The following CALD1 variants were observed in gnomAD, a reference collection of about 807,000 sequenced individuals.
CALD1 encodes caldesmon.
In CALD1, 33 loss-of-function variants were observed where a neutral mutation model predicts 99.9. The observed-to-expected ratio is 0.33, with a 90% CI of 0.25 to 0.44. The LOEUF is 0.44. Ranked by LOEUF, CALD1 falls within the 20% of genes least tolerant of loss-of-function variation. The pLI, the probability that CALD1 is intolerant of heterozygous loss-of-function variation, is 1.00. For synonymous variants in CALD1, 310 were observed against 325.0 expected, an observed-to-expected ratio of 0.95 and a Z score of 0.50; for missense variants, 861 against 962.1, an observed-to-expected ratio of 0.89 and a Z score of 1.39.
At chr7:134,947,908 A>G (rs1807028933) in intron 8 of CALD1, 139 bp downstream of exon 8, 5 of 1,024,972 alleles carry the variant, frequency 4.9e-6, no homozygotes, top group African/African-American at 4.9e-5. Flanking sequence ...CTGTTTTATA[A>G]CTTGTAGATG....
At chr7:134,762,165 G>C (rs772188866) in intron 1 of CALD1, among the ~76,000 whole-genome samples, 1 of 152,222 alleles carries the variant, frequency 6.6e-6, no homozygotes, top group Admixed American at 6.5e-5. Context: ...GAGGAAGAAG[G>C]CTGGTCCAAA....
intron 1 of CALD1, among the ~76,000 whole-genome samples, chr7:134,785,700 G>A (rs1277094998): frequency 6.6e-6 from 1 of 152,114 alleles, no homozygotes. Context: ...TGCATTCTAG[G>A]GTTAGCATCA....
At chr7:134,944,860 C>A (rs1432796931) in intron 7 of CALD1, among the ~76,000 whole-genome samples, 1 of 152,160 alleles carries the variant, frequency 6.6e-6, no homozygotes, top group Non-Finnish European at 1.5e-5. Flanking sequence ...CCAGGCAAAT[C>A]CAACTTAGGT....
At position 134,937,610 on chromosome 7, in the gene CALD1, C is replaced by T. The variant is rs145725982; in HGVS notation, c.1386+1845C>T. ...ATGATTCAGCCATTTTAAACAACCT[C>T]TTCCTATTTTTTTTTCCTTTTTGTA... On this transcript the variant is annotated intron_variant, in intron 6 of 14. Transcript: ENST00000361675. Among the ~76,000 whole-genome samples, 436 of 146,688 alleles carry T rather than the reference C, an allele frequency of 3.0e-3. 2 individuals carry two copies. The highest frequency in any genetic ancestry group is 0.011 in the African/African-American group (416 of 39,208).
At chr7:134,853,752 C>A (rs1360960876) in intron 2 of CALD1, among the ~76,000 whole-genome samples, 2 of 152,034 alleles carry the variant, frequency 1.3e-5, no homozygotes, top group African/African-American at 4.8e-5. Flanking sequence ...GGTACATGTG[C>A]AGAACGTGCA....
chr7:134,721,601 G>T, the CALD1 span, among the ~76,000 whole-genome samples: 2 of 151,978 alleles, frequency 1.3e-5, no homozygotes, highest in Non-Finnish European at 2.9e-5. Flanking sequence ...AGGGGAGGTG[G>T]GGGGGTGAAG....
At chr7:134,877,195 G>A (rs1801392104) in intron 3 of CALD1, among the ~76,000 whole-genome samples, 1 of 152,108 alleles carries the variant, frequency 6.6e-6, no homozygotes, top group African/African-American at 2.4e-5. Flanking sequence ...CCCTCTCTGG[G>A]GTCACCTCAG....
At chr7:134,740,761 G>C (rs914702922), upstream of CALD1, among the ~76,000 whole-genome samples, 31 of 152,118 alleles carry the variant, frequency 2.0e-4, no homozygotes, top group Admixed American at 1.9e-3. Flanking sequence ...AACCTTTTTC[G>C]TGCTGCACTA....
chr7:134,937,615 T>C (rs1326998416), intron 6 of CALD1, among the ~76,000 whole-genome samples: 1 of 150,116 alleles, frequency 6.7e-6, no homozygotes, highest in Non-Finnish European at 1.5e-5. Context: ...AACCTCTTCC[T>C]ATTTTTTTTT....
intron 1 of CALD1, among the ~76,000 whole-genome samples, chr7:134,830,766 A>G (rs903821797): frequency 2.0e-5 from 3 of 152,170 alleles, no homozygotes; most frequent in Admixed American, 6.5e-5. Flanking sequence ...TAAAGGCAAT[A>G]TATTTTTTTT....
At chr7:134,927,482 G>A (rs1190103157) in intron 3 of CALD1, among the ~76,000 whole-genome samples, 2 of 138,770 alleles carry the variant, frequency 1.4e-5, no homozygotes. Context: ...AGCCTGGGAG[G>A]TCAAGGCTGC....
intron 3 of CALD1, among the ~76,000 whole-genome samples, chr7:134,923,254 C>G (rs899597601): frequency 6.6e-6 from 1 of 152,210 alleles, no homozygotes; most frequent in Non-Finnish European, 1.5e-5. Flanking sequence ...AAACCCTCTT[C>G]CAACCAGCAT....
chr7:134,890,272 G>C (rs1252304037), intron 3 of CALD1, among the ~76,000 whole-genome samples: 1 of 152,216 alleles, frequency 6.6e-6, no homozygotes. Flanking sequence ...TCTAGCTAAA[G>C]TGGAGACCAC....
At chr7:134,949,869 C>T (rs1212851612) in intron 8 of CALD1, among the ~76,000 whole-genome samples, 2 of 148,440 alleles carry the variant, frequency 1.3e-5, no homozygotes, top group South Asian at 2.1e-4. Context: ...CCTTGGGCCA[C>T]ACATAAAATA....
chr7:134,933,366 G>T lies in CALD1; in HGVS notation c.597G>T (p.Lys199Asn). 6.2e-7 allele frequency: 1 copy of T among 1,607,976 alleles called. No homozygotes were observed. Reference sequence around the variant, plus strand: ...AGGAGGAGGAAGAGGAGAAGCCAAAGCGAGGGAGCATTGGAGAAAATCAGG... The same window carrying T: ...AGGAGGAGGAAGAGGAGAAGCCAAATCGAGGGAGCATTGGAGAAAATCAGG... ...EKEEEEEEKPKRGSIGENQVE... is the reference protein window; with the variant it reads ...EKEEEEEEKPNRGSIGENQVE... Residue 199 changes from lysine to asparagine, a missense_variant, in exon 5 of 15, where the codon AAG (lysine) becomes AAT (asparagine). Around this residue, in one of 5 missense-constraint regions of CALD1, gnomAD observed 234 missense variants for 233.1 expected, o/e 1.00. Transcript: ENST00000361675.
intron 3 of CALD1, among the ~76,000 whole-genome samples, chr7:134,894,231 C>T (rs60035476): frequency 0.011 from 1,630 of 152,240 alleles, 36 homozygotes; most frequent in African/African-American, 0.038. Context: ...ACCCAGTTCC[C>T]GGCTTGACTT....
intron 11 of CALD1, among the ~76,000 whole-genome samples, 188 bp from the exon 12 acceptor site, chr7:134,959,786 A>G (rs948579464): frequency 6.6e-6 from 1 of 152,214 alleles, no homozygotes; most frequent in Admixed American, 6.5e-5. Context: ...TCTAGCTGTG[A>G]TGGTTTATTT....
chr7:134,836,928 AT>A (rs1304776223), intron 1 of CALD1, among the ~76,000 whole-genome samples: 1 of 152,212 alleles, frequency 6.6e-6, no homozygotes, highest in Non-Finnish European at 1.5e-5. Flanking sequence ...ATTACTCTTC[AT>A]TCAATGATTG....
chr7:134,757,716 T>C (rs575830072), intron 1 of CALD1, among the ~76,000 whole-genome samples: 2 of 151,958 alleles, frequency 1.3e-5, no homozygotes, highest in South Asian at 4.2e-4. Context: ...CTGTCTCTAC[T>C]AAAAATACAA....
Sources: allele counts gnomAD v4.1 joint callset (sites outside exome capture counted in the v4.1 genomes callset), GRCh38; gene constraint gnomAD v4.1.1; regional missense constraint gnomAD v4.1.1; transcripts MANE v1.5; gene names NCBI Gene and HGNC (gene_info 2026-07-23, HGNC 2026-07-21).